Variants in ZFHX3 observed in about 807,000 individuals in gnomAD.
The protein encoded by ZFHX3 is zinc finger homeobox 3, also known as zinc finger homeobox protein 3.
Under a neutral mutation model 279.1 loss-of-function variants are expected in ZFHX3, and 42 were observed. The observed-to-expected ratio is 0.15, with a 90% confidence interval of 0.12 to 0.19. ZFHX3 has a LOEUF of 0.19. Ranked by LOEUF, ZFHX3 falls within the 10% of genes least tolerant of loss-of-function variation. The pLI is 1.00. For missense variants in ZFHX3, 4,981 were observed against 4,754.0 expected (o/e 1.05, Z -1.40); for synonymous variants, 2,293 against 1,957.8 (o/e 1.17, Z -4.52).
chr16:73,306,628 G>T (rs1352204853), intron 4 of ZFHX3, among the ~76,000 whole-genome samples: 1 of 152,318 alleles, frequency 6.6e-6, no homozygotes, highest in Admixed American at 6.5e-5. Context: ...TGGCCCGCAT[G>T]AATATTTTTC....
chr16:73,361,344 G>A (rs1893859890), intron 3 of ZFHX3, among the ~76,000 whole-genome samples: 1 of 152,250 alleles, frequency 6.6e-6, no homozygotes, highest in Admixed American at 6.5e-5. Context: ...CCCCTTGGAA[G>A]CCAGCCACCA....
intron 2 of ZFHX3, among the ~76,000 whole-genome samples, chr16:73,660,247 G>A (rs977230255): frequency 6.6e-6 from 1 of 152,162 alleles, no homozygotes; most frequent in Non-Finnish European, 1.5e-5. Flanking sequence ...ACAGTCAAAC[G>A]TGTGCCTTTT....
chr16:73,053,670 G>C (rs1328321347), intron 1 of ZFHX3, among the ~76,000 whole-genome samples: 1 of 152,092 alleles, frequency 6.6e-6, no homozygotes, highest in Non-Finnish European at 1.5e-5. Flanking sequence ...CTTCCCCAGC[G>C]GGCAAACCCT....
chr16:73,375,443 G>A (rs1441977097), intron 3 of ZFHX3, among the ~76,000 whole-genome samples: 1 of 152,084 alleles, frequency 6.6e-6, no homozygotes, highest in Non-Finnish European at 1.5e-5. Context: ...GCCATAATTT[G>A]GATGTTAGGG....
At chr16:72,810,478 G>A (rs1336067090) in intron 7 of ZFHX3, among the ~76,000 whole-genome samples, 2 of 152,188 alleles carry the variant, frequency 1.3e-5, no homozygotes, top group Non-Finnish European at 2.9e-5. Context: ...GAGCCCCCAC[G>A]CCTGGCCAGG....
At chr16:73,845,303 A>G (rs934155387) in intron 1 of ZFHX3, among the ~76,000 whole-genome samples, 1 of 152,128 alleles carries the variant, frequency 6.6e-6, no homozygotes, top group Admixed American at 6.5e-5. Context: ...ACAGGAGCAG[A>G]TTTTCAAAAA....
intron 2 of ZFHX3, among the ~76,000 whole-genome samples, chr16:73,567,645 T>G (rs1313130418): frequency 6.6e-6 from 1 of 152,204 alleles, no homozygotes; most frequent in African/African-American, 2.4e-5. Context: ...AATATCCTTT[T>G]GAGTTGGAAG....
intron 2 of ZFHX3, among the ~76,000 whole-genome samples, chr16:73,481,783 G>A (rs1351344319): frequency 6.6e-6 from 1 of 152,090 alleles, no homozygotes; most frequent in African/African-American, 2.4e-5. Flanking sequence ...ATGAGTCAAT[G>A]TGCCCAGCTT....
intron 3 of ZFHX3, among the ~76,000 whole-genome samples, chr16:73,411,279 A>T (rs902603069): frequency 1.3e-5 from 2 of 152,244 alleles, no homozygotes; most frequent in Admixed American, 1.3e-4. Flanking sequence ...ATTTAAAGAG[A>T]TTAGCAATTA....
At chr16:73,454,493 T>C (rs1245687365) in intron 3 of ZFHX3, among the ~76,000 whole-genome samples, 7 of 151,018 alleles carry the variant, frequency 4.6e-5, no homozygotes, top group African/African-American at 1.7e-4. Context: ...GCTACCAAAT[T>C]CAGCAATTTT....
At chr16:73,150,213 C>T (rs1359276616) in intron 5 of ZFHX3, among the ~76,000 whole-genome samples, 1 of 152,124 alleles carries the variant, frequency 6.6e-6, no homozygotes, top group Non-Finnish European at 1.5e-5. Flanking sequence ...GTTGTCCAGA[C>T]CAAGGTGCAT....
rs181362462 is a variant in ZFHX3, at chr16:73,804,269, C to T, written c.-1608+87382G>A. 1.2e-4 allele frequency among the ~76,000 whole-genome samples: 19 copies of T among 152,298 alleles called. No individual in the cohort carries two copies. In the East Asian group the frequency reaches 3.5e-3, roughly 28 times the overall value. On this transcript the variant is annotated intron_variant, in intron 1 of 17. Transcript: ENST00000641206. ...ATACACATAATTATATATTATTTCGCTTGCTACAATTAAGATGTGATAAAA... is the reference window on the plus strand; with the variant it reads ...ATACACATAATTATATATTATTTCGTTTGCTACAATTAAGATGTGATAAAA...
At chr16:72,814,637 C>G (rs2036553965) in intron 5 of ZFHX3, among the ~76,000 whole-genome samples, 1 of 148,314 alleles carries the variant, frequency 6.7e-6, no homozygotes, top group African/African-American at 2.5e-5. Context: ...CAAACTCAAA[C>G]TGCTCTGGAA....
chr16:72,990,992 TAAA>T (rs567600620), intron 1 of ZFHX3, among the ~76,000 whole-genome samples: 1 of 134,722 alleles, frequency 7.4e-6, no homozygotes. Context: ...AAAATAAAAT[TAAA>T]AAAAAAAAAA....
chr16:73,845,175 G>A (rs1405799958), intron 1 of ZFHX3, among the ~76,000 whole-genome samples: 6 of 152,142 alleles, frequency 3.9e-5, no homozygotes, highest in Admixed American at 2.0e-4. Flanking sequence ...AAACATGCAC[G>A]CGACCATAGG....
intron 1 of ZFHX3, among the ~76,000 whole-genome samples, chr16:73,767,581 T>C (rs1949354297): frequency 6.6e-6 from 1 of 152,190 alleles, no homozygotes; most frequent in Admixed American, 6.5e-5. Context: ...TAATAGATGG[T>C]GATGTAGGTT....
At chr16:73,523,481 G>T (rs1004138127) in intron 2 of ZFHX3, among the ~76,000 whole-genome samples, 1 of 152,092 alleles carries the variant, frequency 6.6e-6, no homozygotes. Context: ...TGAGTTCATT[G>T]ACATACATGG....
intron 1 of ZFHX3, among the ~76,000 whole-genome samples, chr16:73,866,360 G>A (rs985918521): frequency 1.3e-5 from 2 of 151,622 alleles, no homozygotes; most frequent in South Asian, 4.2e-4. Context: ...TGTATTTTTA[G>A]TGGAGATGGG....
intron 1 of ZFHX3, among the ~76,000 whole-genome samples, chr16:73,842,962 T>A (rs1961351241): frequency 6.6e-6 from 1 of 152,226 alleles, no homozygotes; most frequent in Admixed American, 6.5e-5. Context: ...CACTTTACGA[T>A]TTGTGAATCC....
Sources: allele counts gnomAD v4.1 joint callset (sites outside exome capture counted in the v4.1 genomes callset), GRCh38; gene constraint gnomAD v4.1.1; transcripts MANE v1.5; gene names NCBI Gene and HGNC (gene_info 2026-07-23, HGNC 2026-07-21).